IL15: variants seen among roughly 807,000 people sequenced by gnomAD.
IL15 encodes the protein interleukin 15.
A neutral mutation model predicts 19.6 loss-of-function variants in IL15; 11 were observed. That is an observed-to-expected ratio of 0.56 (90% CI 0.35 to 0.93). IL15 has a LOEUF of 0.93. Among genes scored for constraint, IL15 ranks in the 40% least tolerant of loss-of-function variants. The pLI is 0.01. For synonymous variants in IL15, 58 were observed against 59.6 expected (o/e 0.97, Z 0.12); for missense variants, 197 against 186.5 (o/e 1.06, Z -0.33).
At chr4:141,667,628 A>G (rs941955179) in intron 2 of IL15, among the ~76,000 whole-genome samples, 2 of 152,264 alleles carry the variant, frequency 1.3e-5, no homozygotes, top group African/African-American at 4.8e-5. Context: ...GGCCAGCAAG[A>G]TTAAGAAATA....
In IL15 at chr4:141,721,905, T is replaced by C; in HGVS notation, c.111-19T>C. On this transcript the variant is annotated intron_variant, in intron 4 of 7. Transcript: ENST00000320650. The stretch of plus-strand genomic sequence containing the variant: ...AATAGGCTCCTTCAAAATGCTTTGC[T>C]CTATGGTTTTTCTTTCAGCTGTTTC... 6.4e-7 allele frequency: 1 copy of C among 1,572,828 alleles called. No homozygotes were observed. The highest frequency in any genetic ancestry group is 8.7e-7 in the Non-Finnish European group (1 of 1,150,928).
intron 2 of IL15, among the ~76,000 whole-genome samples, chr4:141,666,505 A>G (rs564267255): frequency 4.6e-4 from 70 of 152,030 alleles, no homozygotes; most frequent in African/African-American, 1.7e-3. Flanking sequence ...ACAGGTGCAC[A>G]CCACCCTGCC....
intron 2 of IL15, among the ~76,000 whole-genome samples, chr4:141,687,033 A>G (rs1728735142): frequency 6.6e-6 from 1 of 152,180 alleles, no homozygotes; most frequent in Non-Finnish European, 1.5e-5. Flanking sequence ...CTTAATTCAT[A>G]ACATATTACT....
intron 1 of IL15, among the ~76,000 whole-genome samples, chr4:141,641,504 T>C (rs1394029558): frequency 2.6e-5 from 4 of 152,168 alleles, no homozygotes; most frequent in South Asian, 4.2e-4. Flanking sequence ...TAGAATACTA[T>C]GCAGCCATAA....
At chr4:141,694,055 G>T (rs1238204796) in intron 2 of IL15, among the ~76,000 whole-genome samples, 1 of 152,202 alleles carries the variant, frequency 6.6e-6, no homozygotes, top group Admixed American at 6.5e-5. Context: ...GTTTAAAAAG[G>T]CAAGTATTTA....
At chr4:141,653,535 T>C (rs1027306897) in intron 1 of IL15, among the ~76,000 whole-genome samples, 25 of 152,180 alleles carry the variant, frequency 1.6e-4, no homozygotes, top group African/African-American at 4.6e-4. Context: ...AATGCACGTA[T>C]ATATTTAACC....
At chr4:141,712,607 TATATTGTTTAAATATATATTAA>T (rs1333354462) in intron 2 of IL15, among the ~76,000 whole-genome samples, 71 of 148,246 alleles carry the variant, frequency 4.8e-4, no homozygotes, top group African/African-American at 1.6e-3. Flanking sequence ...TATAAATAAA[TATATTGTTTAAATATATATTAA>T]ATATTGTTTA....
At chr4:141,704,043 C>T (rs1031073035) in intron 2 of IL15, among the ~76,000 whole-genome samples, 4 of 152,036 alleles carry the variant, frequency 2.6e-5, no homozygotes, top group Non-Finnish European at 5.9e-5. Context: ...AATTTGGATG[C>T]CTTTTATTTA....
intron 2 of IL15, among the ~76,000 whole-genome samples, chr4:141,692,170 G>A (rs1361522304): frequency 6.6e-6 from 1 of 152,250 alleles, no homozygotes; most frequent in Non-Finnish European, 1.5e-5. Context: ...TTTAGCCACA[G>A]CTGGAGCTGG....
At chr4:141,726,622 C>T (rs763283229) in intron 5 of IL15, among the ~76,000 whole-genome samples, 2 of 152,068 alleles carry the variant, frequency 1.3e-5, no homozygotes, top group African/African-American at 4.8e-5. Context: ...ATGAAAACTA[C>T]GTGCACACAA....
At chr4:141,674,593 A>T (rs1468986944) in intron 2 of IL15, among the ~76,000 whole-genome samples, 2 of 149,388 alleles carry the variant, frequency 1.3e-5, no homozygotes, top group African/African-American at 2.5e-5. Flanking sequence ...TCAAAAAAAT[A>T]AAAAAAAAAG....
intron 5 of IL15, among the ~76,000 whole-genome samples, chr4:141,722,772 A>C (rs1026055674): frequency 2.0e-5 from 3 of 152,222 alleles, no homozygotes; most frequent in Admixed American, 2.0e-4. Context: ...TTGAAAAAGC[A>C]ATTACAAATG....
At chr4:141,688,723 C>G (rs1728790637) in intron 2 of IL15, 1 of 152,316 alleles carries the variant, frequency 6.6e-6, no homozygotes, top group East Asian at 1.9e-4. Flanking sequence ...ATTCATCTGT[C>G]TGCCAGAGTC....
chr4:141,696,291 A>G (rs999754708), intron 2 of IL15, among the ~76,000 whole-genome samples: 4 of 151,970 alleles, frequency 2.6e-5, no homozygotes, highest in Non-Finnish European at 5.9e-5. Context: ...TTGGTCTATG[A>G]GTCTGTTTTT....
At chr4:141,709,233 C>A (rs1729632680) in intron 2 of IL15, among the ~76,000 whole-genome samples, 1 of 152,040 alleles carries the variant, frequency 6.6e-6, no homozygotes, top group Admixed American at 6.5e-5. Context: ...TATTTTAGAT[C>A]TAGGACATAA....
chr4:141,676,531 A>G (rs1343948514), intron 2 of IL15, among the ~76,000 whole-genome samples: 1 of 152,186 alleles, frequency 6.6e-6, no homozygotes, highest in Non-Finnish European at 1.5e-5. Flanking sequence ...AACTCATTAC[A>G]CATGGTACTT....
chr4:141,694,438 G>A (rs1010631051), intron 2 of IL15, among the ~76,000 whole-genome samples: 1 of 152,176 alleles, frequency 6.6e-6, no homozygotes, highest in African/African-American at 2.4e-5. Flanking sequence ...GGTCACAGCA[G>A]GCAGAGAGGT....
chr4:141,655,523 G>T, intron 1 of IL15, among the ~76,000 whole-genome samples: 1 of 151,948 alleles, frequency 6.6e-6, no homozygotes, highest in Non-Finnish European at 1.5e-5. Flanking sequence ...ATTTGATTAA[G>T]ATGTTTCTTA....
intron 1 of IL15, among the ~76,000 whole-genome samples, chr4:141,646,795 A>G (rs576923811): frequency 2.6e-4 from 39 of 152,166 alleles, no homozygotes; most frequent in Admixed American, 5.9e-4. Flanking sequence ...ATGGACTTGT[A>G]TGTTTTATTG....
Sources: allele counts gnomAD v4.1 joint callset (sites outside exome capture counted in the v4.1 genomes callset), GRCh38; gene constraint gnomAD v4.1.1; transcripts MANE v1.5; gene names NCBI Gene and HGNC (gene_info 2026-07-23, HGNC 2026-07-21).